Variants in SIGLEC9 observed in about 807,000 individuals in gnomAD.
SIGLEC9 encodes sialic acid binding Ig like lectin 9.
A neutral mutation model predicts 38.3 loss-of-function variants in SIGLEC9; 26 were observed. That is an observed-to-expected ratio of 0.68 (90% CI 0.50 to 0.94). The LOEUF (loss-of-function observed/expected upper bound fraction) is 0.94, where lower values mean the gene tolerates loss of function less well. Ranked by LOEUF, SIGLEC9 falls within the 40% of genes least tolerant of loss-of-function variation. SIGLEC9 has a pLI of 0.00. For missense variants in SIGLEC9, 556 were observed against 585.7 expected (o/e 0.95, Z 0.52); for synonymous variants, 236 against 248.0 (o/e 0.95, Z 0.45).
chr19:51,125,489 G>A, intron 1 of SIGLEC9, 94 bp downstream of exon 1: 1 of 1,554,784 alleles, frequency 6.4e-7, no homozygotes, highest in East Asian at 2.2e-5. Flanking sequence ...AGAGGGCTTA[G>A]GGTGAAGCGA....
chr19:51,122,409 C>T (rs1240053152), upstream of SIGLEC9, among the ~76,000 whole-genome samples: 3 of 152,100 alleles, frequency 2.0e-5, no homozygotes, highest in East Asian at 1.9e-4. This position sits in a 1 kb window ranked among gnomAD's most constrained non-coding sequence, Gnocchi z 4.1. Flanking sequence ...GGTGAAATCC[C>T]GTCTCTACTA....
At position 51,128,447 on chromosome 19, in the gene SIGLEC9, A is replaced by G. The variant is rs1294716826; in HGVS notation, c.1140A>G (p.Pro380=). Residue 380 remains proline (P), a synonymous_variant, in exon 6 of 7, where the codon CCA becomes CCG. Transcript: ENST00000250360. ...CCTGCAGGAAGAAATCGGCAAGGCC[A>G]GCAGCGGGCGTGGGAGATACGGGCA... The part of the protein sequence containing the change: ...VRSCRKKSAR[P]AAGVGDTGIE... 2 of 1,614,028 alleles carry G rather than the reference A, an allele frequency of 1.2e-6. No homozygotes were observed. Among genetic ancestry groups the G allele is most frequent in the Non-Finnish European group, 1.7e-6 (2 of 1,180,012 alleles).
At chr19:51,132,789 C>T (rs1361570363), downstream of SIGLEC9, among the ~76,000 whole-genome samples, 2 of 152,062 alleles carry the variant, frequency 1.3e-5, no homozygotes, top group African/African-American at 4.8e-5. Flanking sequence ...TAAGATAACA[C>T]GGAATGCTTC....
At chr19:51,135,801 T>A (rs973996617) in intron 6 of SIGLEC9, among the ~76,000 whole-genome samples, 1 of 152,138 alleles carries the variant, frequency 6.6e-6, no homozygotes, top group Non-Finnish European at 1.5e-5. Flanking sequence ...TTTTGTCTGA[T>A]TGGGTTGATT....
At chr19:51,123,579 A>C (rs2091956659), upstream of SIGLEC9, among the ~76,000 whole-genome samples, 1 of 152,222 alleles carries the variant, frequency 6.6e-6, no homozygotes, top group African/African-American at 2.4e-5. Flanking sequence ...AAAACTACCT[A>C]GAAAAGCATG....
rs1184843186 is a variant in SIGLEC9 at position 51,125,751 on chromosome 19, C to T, written c.576C>T (p.Thr192=). The change falls in exon 2 of 7, where the codon ACC becomes ACT. Residue 192 remains threonine (T), a synonymous_variant. Transcript: ENST00000250360. ...CCGTGTCCCCCCTGGACCCCTCCAC[C>T]ACCCGCTCCTCGGTGCTCACCCTCA... ...GTSVSPLDPS[T]TRSSVLTLIP... The T allele has an allele frequency of 6.2e-7, 1 of 1,614,114 alleles. No homozygotes were observed. Among genetic ancestry groups the T allele is most frequent in the Non-Finnish European group, 8.5e-7 (1 of 1,179,986 alleles).
rs766084177 is a variant in SIGLEC9 at position 51,125,826 on chromosome 19, C to G, written c.651C>G (p.Phe217Leu). Residue 217 changes from phenylalanine (F) to leucine (L), a missense_variant, in exon 2 of 7, where the codon TTC becomes TTG. Transcript: ENST00000250360. The stretch of plus-strand genomic sequence containing the variant: ...CCAGCCTCACCTGTCAGGTGACCTT[C>G]CCTGGGGCCAGCGTGACCACGAACA... ...HGTSLTCQVT[F>L]PGASVTTNKT... 22 of 1,614,162 alleles carry G rather than the reference C, an allele frequency of 1.4e-5. No individual in the cohort carries two copies. The highest frequency in any genetic ancestry group is 1.8e-5 in the Non-Finnish European group (21 of 1,180,034).
chr19:51,134,528 C>T (rs974526926), downstream of SIGLEC9, among the ~76,000 whole-genome samples: 44 of 152,138 alleles, frequency 2.9e-4, no homozygotes, highest in African/African-American at 9.9e-4. Context: ...CATTGAATCA[C>T]GCAAATAAAA....
intron 3 of SIGLEC9, among the ~76,000 whole-genome samples, chr19:51,126,389 C>G (rs2091979736): frequency 6.6e-6 from 1 of 151,942 alleles, no homozygotes; most frequent in African/African-American, 2.4e-5. Flanking sequence ...CTTTGAGGCT[C>G]CTTCTCATGT....
In SIGLEC9 at chr19:51,124,997, T is replaced by C. The variant is rs1599814883; in HGVS notation, c.23T>C (p.Leu8Pro). The change falls in exon 1 of 7, where the codon CTG (leucine) becomes CCG (proline). Residue 8 changes from leucine to proline, a missense_variant. Coordinates refer to ENST00000250360, the MANE Select transcript of SIGLEC9 (RefSeq NM_014441.3). Reference protein sequence around the residue: MLLLLLPLLWGRERAEGQ... With the variant: MLLLLLPPLWGRERAEGQ... ...GACATGCTGCTGCTGCTGCTGCCCC[T>C]GCTCTGGGGGAGGGAGAGGGCGGAA... 1 of 1,609,304 alleles carries C rather than the reference T, an allele frequency of 6.2e-7. No homozygotes were observed. The highest frequency in any genetic ancestry group is 1.3e-5 in the African/African-American group (1 of 74,878).
upstream of SIGLEC9, among the ~76,000 whole-genome samples, chr19:51,121,705 G>C (rs1320904493): frequency 6.6e-6 from 1 of 150,630 alleles, no homozygotes; most frequent in African/African-American, 2.4e-5. Context: ...TCCTGCCTCA[G>C]CCTTCTGAGT....
chr19:51,136,165 C>G, exon 7 of SIGLEC9: 2 of 703,616 alleles, frequency 2.8e-6, no homozygotes. Context: ...TGTCAGATTT[C>G]TTTCACTGGT....
downstream of SIGLEC9, among the ~76,000 whole-genome samples, chr19:51,134,663 T>C (rs1173517537): frequency 6.6e-6 from 1 of 152,230 alleles, no homozygotes; most frequent in Non-Finnish European, 1.5e-5. Flanking sequence ...ATCTTATTTG[T>C]TCTTTCAAAG....
chr19:51,121,416 A>G (rs750825772), upstream of SIGLEC9, among the ~76,000 whole-genome samples: 6 of 151,222 alleles, frequency 4.0e-5, no homozygotes, highest in Non-Finnish European at 7.4e-5. Context: ...CTCTTCCCCC[A>G]TTTACCCCAT....
In SIGLEC9 at chr19:51,129,893, G is replaced by A; in HGVS notation, c.1206G>A (p.Gly402=). The A allele has an allele frequency of 6.3e-7, 1 of 1,581,258 alleles. No individual in the cohort carries two copies. Among genetic ancestry groups the A allele is most frequent in the Non-Finnish European group, 8.6e-7 (1 of 1,164,826 alleles). Residue 402 remains glycine, a splice_region_variant and synonymous_variant, in exon 7 of 7, where the codon GGG becomes GGA. Coordinates refer to ENST00000250360, the MANE Select transcript of SIGLEC9 (RefSeq NM_014441.3). Reference sequence around the variant, plus strand: ...CACTTCTCTCTCCCATGTCTCAGGGGCCCCTGACTGAACCTTGGGCAGAAG... The same window carrying A: ...CACTTCTCTCTCCCATGTCTCAGGGACCCCTGACTGAACCTTGGGCAGAAG... The part of the protein sequence containing the change: ...ANAVRGSASQ[G]PLTEPWAEDS...
downstream of SIGLEC9, among the ~76,000 whole-genome samples, chr19:51,131,670 C>A (rs2092015910): frequency 6.6e-6 from 1 of 152,124 alleles, no homozygotes; most frequent in Non-Finnish European, 1.5e-5. Flanking sequence ...CATCCCAACA[C>A]TTTGGGAGGC....
chr19:51,128,758 CTG>C (rs1461709787), intron 6 of SIGLEC9: 5 of 445,400 alleles, frequency 1.1e-5, no homozygotes, highest in African/African-American at 8.1e-5. Context: ...CCTCACCTGT[CTG>C]CCTGTCTCCT....
chr19:51,125,420 C>A, intron 1 of SIGLEC9, 25 bp downstream of exon 1: 1 of 1,564,892 alleles, frequency 6.4e-7, no homozygotes, highest in African/African-American at 1.4e-5. Context: ...CCAGGAAAGG[C>A]CACAGGGAAA....
chr19:51,123,260 C>T (rs1464852079), upstream of SIGLEC9, among the ~76,000 whole-genome samples: 1 of 152,182 alleles, frequency 6.6e-6, no homozygotes, highest in Non-Finnish European at 1.5e-5. Flanking sequence ...TCCCCGAGTT[C>T]CAGGTGGGGC....
Sources: gnomAD v4.1 joint callset for allele counts (sites outside exome capture counted in the v4.1 genomes callset) on GRCh38, gnomAD v4.1.1 for gene constraint, Gnocchi (gnomAD v3.1) non-coding constraint, MANE v1.5 for transcripts, NCBI Gene and HGNC (gene_info 2026-07-23, HGNC 2026-07-21) for gene names.